TAFA5: variants seen among roughly 807,000 people sequenced by gnomAD.
The protein encoded by TAFA5 is chemokine-like protein TAFA-5.
TAFA5 carries 6 observed loss-of-function variants against 15.3 expected under a neutral mutation model. That is an observed-to-expected ratio of 0.39 (90% confidence interval 0.21 to 0.77). The LOEUF (loss-of-function observed/expected upper bound fraction) is 0.77. TAFA5 is among the 30% of genes least tolerant of loss of function. The probability of loss-of-function intolerance (pLI) is 0.41; values close to 1 mark genes in which losing one functional copy is unlikely to be tolerated. For synonymous variants in TAFA5, 103 were observed against 80.7 expected, an observed-to-expected ratio of 1.28 and a Z score of -1.48; for missense variants, 161 against 193.1, an observed-to-expected ratio of 0.83 and a Z score of 0.98.
At chr22:48,651,552 C>T (rs938896295) in intron 2 of TAFA5, among the ~76,000 whole-genome samples, 1 of 152,104 alleles carries the variant, frequency 6.6e-6, no homozygotes, top group Non-Finnish European at 1.5e-5. Flanking sequence ...GGTATGGTGG[C>T]CAGAGTCTTT....
chr22:48,597,920 G>T (rs1342063722), intron 1 of TAFA5, among the ~76,000 whole-genome samples: 1 of 152,238 alleles, frequency 6.6e-6, no homozygotes, highest in African/African-American at 2.4e-5. Context: ...ACTTGAGCGT[G>T]ACGCTGATGG....
At chr22:48,558,096 C>T (rs1923101139) in intron 1 of TAFA5, among the ~76,000 whole-genome samples, 1 of 152,186 alleles carries the variant, frequency 6.6e-6, no homozygotes, top group Non-Finnish European at 1.5e-5. Context: ...CTCCAGGGAA[C>T]AGGGAAGGTG....
intron 2 of TAFA5, among the ~76,000 whole-genome samples, chr22:48,691,502 C>A (rs1291321234): frequency 6.6e-6 from 1 of 152,220 alleles, no homozygotes; most frequent in Non-Finnish European, 1.5e-5. Context: ...ACTGGGTTCG[C>A]CTGTGTGCTG....
At chr22:48,544,648 G>A (rs1181205845) in intron 1 of TAFA5, 2 of 468,474 alleles carry the variant, frequency 4.3e-6, no homozygotes, top group Non-Finnish European at 8.9e-6. Flanking sequence ...CCTTCTTAAG[G>A]CCTGATGTGC....
intron 1 of TAFA5, among the ~76,000 whole-genome samples, chr22:48,614,063 C>T (rs1601616356): frequency 6.6e-6 from 1 of 152,228 alleles, no homozygotes; most frequent in Admixed American, 6.5e-5. Context: ...ACTTGCGAAG[C>T]GGTCCTGACC....
intron 1 of TAFA5, among the ~76,000 whole-genome samples, chr22:48,574,887 A>G (rs141006557): frequency 4.0e-4 from 61 of 152,322 alleles, no homozygotes; most frequent in African/African-American, 1.4e-3. Flanking sequence ...AGAGGCGGGA[A>G]GGGAGGCAGT....
At chr22:48,491,131 C>A (rs1222852967) in intron 1 of TAFA5, among the ~76,000 whole-genome samples, 1 of 152,216 alleles carries the variant, frequency 6.6e-6, no homozygotes, top group Non-Finnish European at 1.5e-5. Flanking sequence ...GTGGGTGCGC[C>A]GGCGCCCCTG....
intron 3 of TAFA5, among the ~76,000 whole-genome samples, chr22:48,722,247 T>C (rs555737161): frequency 7.2e-5 from 11 of 152,314 alleles, no homozygotes; most frequent in Admixed American, 1.3e-4. Context: ...TGGCGTGAGG[T>C]GGTATCTCAT....
At position 48,631,558 on chromosome 22, in the gene TAFA5, G is replaced by T. The variant is rs1045596384; in HGVS notation, c.113-15039G>T. Among the ~76,000 whole-genome samples the T allele has an allele frequency of 4.9e-4, 74 of 152,330 alleles. 1 individual carries two copies. The highest frequency in any genetic ancestry group is 1.7e-3 in the African/African-American group (72 of 41,582). On this transcript the variant is annotated intron_variant, in intron 1 of 3. Transcript: ENST00000402357. ...AGCTGTGCAGTGTGAGGGAGCTCTT[G>T]GACCAGAGCCCCTGCTGCCTCATTA...
At chr22:48,622,407 G>A (rs1925872109) in intron 1 of TAFA5, among the ~76,000 whole-genome samples, 1 of 152,204 alleles carries the variant, frequency 6.6e-6, no homozygotes, top group African/African-American at 2.4e-5. Flanking sequence ...AGCAAGGCAG[G>A]CTCCATTCCA....
intron 1 of TAFA5, among the ~76,000 whole-genome samples, chr22:48,591,078 C>T (rs1468841931): frequency 6.6e-6 from 1 of 152,190 alleles, no homozygotes; most frequent in Non-Finnish European, 1.5e-5. Context: ...TCTTGAACTC[C>T]TGACCTCAGG....
At chr22:48,633,895 T>TG (rs1306625076) in intron 1 of TAFA5, among the ~76,000 whole-genome samples, 1 of 152,238 alleles carries the variant, frequency 6.6e-6, no homozygotes, top group African/African-American at 2.4e-5. Context: ...TGTGTGCCAC[T>TG]GTGTTTATTT....
At chr22:48,495,383 C>T (rs969929434) in intron 1 of TAFA5, among the ~76,000 whole-genome samples, 3 of 152,180 alleles carry the variant, frequency 2.0e-5, no homozygotes, top group South Asian at 2.1e-4. Context: ...AAGCAAAGGC[C>T]GAAGATGATG....
Position 48,542,063 on chromosome 22 carries a change from G to T in TAFA5, c.112+52359G>T, listed in dbSNP as rs58876933. 0.016 allele frequency among the ~76,000 whole-genome samples: 2,463 copies of T among 151,454 alleles called. 112 individuals are homozygous for T. In the East Asian group the frequency reaches 0.18, roughly 11 times the overall value. Reference sequence around the variant, plus strand: ...GGAGGGGCCGGGGCGTGTGTGTGTGGTGTGTGTGTGCGTGTGTGTGTGTGC... The same window carrying T: ...GGAGGGGCCGGGGCGTGTGTGTGTGTTGTGTGTGTGCGTGTGTGTGTGTGC... On this transcript the variant is annotated intron_variant, in intron 1 of 3. Transcript: ENST00000402357.
chr22:48,729,208 T>C (rs1332449347), intron 3 of TAFA5, among the ~76,000 whole-genome samples: 1 of 149,710 alleles, frequency 6.7e-6, no homozygotes, highest in East Asian at 1.9e-4. Context: ...TGGAAAATCA[T>C]CCAGTTTATC....
intron 3 of TAFA5, among the ~76,000 whole-genome samples, chr22:48,736,862 G>A (rs6010506): frequency 6.6e-6 from 1 of 152,216 alleles, no homozygotes; most frequent in South Asian, 2.1e-4. Context: ...TGACGGGTAT[G>A]GCGTTGCTTT....
chr22:48,736,841 G>A (rs1930043176), intron 3 of TAFA5, among the ~76,000 whole-genome samples: 1 of 152,224 alleles, frequency 6.6e-6, no homozygotes, highest in African/African-American at 2.4e-5. Flanking sequence ...ACGGAGATGG[G>A]GAGTGGTTGC....
chr22:48,545,135 T>C (rs755992934), intron 1 of TAFA5: 4 of 346,642 alleles, frequency 1.2e-5, no homozygotes, highest in Non-Finnish European at 1.7e-5. Context: ...TTGGAGAAAG[T>C]GGACTGTATT....
chr22:48,646,555 T>A, intron 1 of TAFA5, 42 bp from the exon 2 acceptor site: 1 of 1,602,812 alleles, frequency 6.2e-7, no homozygotes, highest in Non-Finnish European at 8.5e-7. Flanking sequence ...GTGGGGTGTC[T>A]GTAACGTGTG....
Sources: gnomAD v4.1 joint callset for allele counts (sites outside exome capture counted in the v4.1 genomes callset) on GRCh38, gnomAD v4.1.1 for gene constraint, MANE v1.5 for transcripts, NCBI Gene and HGNC (gene_info 2026-07-23, HGNC 2026-07-21) for gene names.